The following SAXO3 variants were observed in gnomAD, a reference collection of about 807,000 sequenced individuals.
SAXO3 encodes the protein CTB-60B18.10.
At chr19:49,019,156 C>T in the SAXO3 span, 3 of 1,411,108 alleles carry the variant, frequency 2.1e-6, no homozygotes, top group Non-Finnish European at 1.8e-6. Context: ...CCCTTCCTGC[C>T]ACCCACGCCA....
At chr19:49,019,263 C>T in the SAXO3 span, 5 of 1,299,294 alleles carry the variant, frequency 3.8e-6, no homozygotes, top group South Asian at 8.7e-5. Flanking sequence ...AAACCCAAGC[C>T]CCCAGCCACC....
the SAXO3 span, chr19:49,019,069 C>T: frequency 6.8e-7 from 1 of 1,462,198 alleles, no homozygotes; most frequent in Non-Finnish European, 9.0e-7. Flanking sequence ...GCCCTGGGTC[C>T]CGAGTTCAGA....
chr19:49,019,874 G>C, the SAXO3 span: 1 of 1,358,410 alleles, frequency 7.4e-7, no homozygotes. Flanking sequence ...CCCCCGCCCT[G>C]TCCCCTGCGG....
At chr19:49,018,337 C>T in the SAXO3 span, 26 of 1,218,278 alleles carry the variant, frequency 2.1e-5, no homozygotes, top group Non-Finnish European at 2.4e-5. Context: ...CGGACAGCTC[C>T]GTCCTGTGGG....
the SAXO3 span, chr19:49,020,096 T>A: frequency 1.8e-5 from 23 of 1,304,404 alleles, no homozygotes; most frequent in South Asian, 3.4e-4. Context: ...GGGTAGAGGG[T>A]CCGCGACCGT....
chr19:49,019,534 C>T, the SAXO3 span: 3 of 1,164,714 alleles, frequency 2.6e-6, no homozygotes, highest in Admixed American at 3.9e-5. Context: ...TCTAACCTCG[C>T]GATCCCGCCC....
At chr19:49,019,936 A>T in the SAXO3 span, 1 of 1,495,196 alleles carries the variant, frequency 6.7e-7, no homozygotes, top group Non-Finnish European at 9.0e-7. Context: ...TGATCCCCAC[A>T]GTCCGCGTGG....
chr19:49,019,282 C>A, the SAXO3 span: 1 of 1,235,534 alleles, frequency 8.1e-7, no homozygotes, highest in Non-Finnish European at 1.0e-6. Flanking sequence ...CCAAAAACAA[C>A]CTCCCTGGTT....
the SAXO3 span, chr19:49,018,271 G>T: frequency 9.4e-7 from 1 of 1,062,664 alleles, no homozygotes; most frequent in Non-Finnish European, 1.2e-6. Flanking sequence ...CGTGGCTCCA[G>T]ACCTGGGGCG....
At chr19:49,020,483 A>G in the SAXO3 span, 2 of 398,838 alleles carry the variant, frequency 5.0e-6, no homozygotes, top group Admixed American at 4.4e-5. Flanking sequence ...TTGCAGAGAT[A>G]CGACAGCCCG....
chr19:49,018,854 G>C, the SAXO3 span: 1 of 1,526,742 alleles, frequency 6.5e-7, no homozygotes. Context: ...AGGCGGTGCC[G>C]AGCGAGAGCC....
chr19:49,019,239 T>G, the SAXO3 span: 1 of 1,341,048 alleles, frequency 7.5e-7, no homozygotes, highest in South Asian at 1.9e-5. Context: ...CACCTTCTGC[T>G]GTTCAAGGAA....
chr19:49,019,251 T>C, the SAXO3 span: 1 of 1,315,032 alleles, frequency 7.6e-7, no homozygotes, highest in Non-Finnish European at 9.7e-7. Context: ...TTCAAGGAAC[T>C]CAAACCCAAG....
chr19:49,019,275 A>C, the SAXO3 span: 2 of 1,262,740 alleles, frequency 1.6e-6, no homozygotes, highest in South Asian at 2.3e-5. Flanking sequence ...CCAGCCACCA[A>C]AAACAACCTC....
chr19:49,019,712 C>T, the SAXO3 span: 4 of 1,178,448 alleles, frequency 3.4e-6, no homozygotes, highest in South Asian at 4.3e-5. Flanking sequence ...TATTCCGGGG[C>T]GCGCGGGTCC....
At chr19:49,018,936 C>G in the SAXO3 span, 15 of 1,534,322 alleles carry the variant, frequency 9.8e-6, no homozygotes, top group East Asian at 2.4e-5. Context: ...GTCCAGGACG[C>G]CCCGGTCGGA....
At chr19:49,018,885 C>A in the SAXO3 span, 6 of 1,534,292 alleles carry the variant, frequency 3.9e-6, no homozygotes, top group South Asian at 2.4e-5. Flanking sequence ...GGGATAGAAC[C>A]GAAAGTCCCG....
At chr19:49,018,788 A>T in the SAXO3 span, 1 of 1,185,704 alleles carries the variant, frequency 8.4e-7, no homozygotes, top group Non-Finnish European at 1.2e-6. Flanking sequence ...CGGCTCAGGG[A>T]ATGGGAGCCA....
chr19:49,020,424 A>T, the SAXO3 span: 1 of 399,202 alleles, frequency 2.5e-6, no homozygotes, highest in Non-Finnish European at 4.4e-6. Flanking sequence ...GCGGTGGGAA[A>T]AGTAGCTGCT....
Sources: allele counts gnomAD v4.1 joint callset, GRCh38; gene constraint gnomAD v4.1.1; transcripts MANE v1.5; gene names NCBI Gene and HGNC (gene_info 2026-07-23, HGNC 2026-07-21).